The following SMAD1 variants were observed in gnomAD, a reference collection of about 807,000 sequenced individuals.
The protein encoded by SMAD1 is MAD, mothers against decapentaplegic homolog 1.
Under a neutral mutation model 41.6 loss-of-function variants are expected in SMAD1, and 6 were observed. The ratio of observed to expected loss-of-function variants is 0.14; its 90% confidence interval spans 0.08 to 0.28. SMAD1 has a LOEUF of 0.28. Ranked by LOEUF, SMAD1 falls within the 10% of genes least tolerant of loss-of-function variation. The pLI is 1.00. For missense variants in SMAD1, 379 were observed against 582.6 expected, an observed-to-expected ratio of 0.65 and a Z score of 3.60; for synonymous variants, 206 against 203.2, an observed-to-expected ratio of 1.01 and a Z score of -0.12.
intron 2 of SMAD1, chr4:145,516,915 A>G (rs1270550834): frequency 1.3e-5 from 2 of 152,222 alleles, no homozygotes; most frequent in African/African-American, 2.4e-5. Flanking sequence ...TGTTAGAACT[A>G]GAAAATAGAG....
chr4:145,484,155 G>C (rs1403992760), intron 1 of SMAD1, among the ~76,000 whole-genome samples: 1 of 152,080 alleles, frequency 6.6e-6, no homozygotes, highest in South Asian at 2.1e-4. Flanking sequence ...AAGTAGCTTG[G>C]GTATAGTAAT....
intron 2 of SMAD1, among the ~76,000 whole-genome samples, chr4:145,516,422 G>A (rs1204150178): frequency 1.3e-5 from 2 of 152,108 alleles, no homozygotes; most frequent in Non-Finnish European, 2.9e-5. Flanking sequence ...GGGAAGATTG[G>A]CCTACTGTGC....
chr4:145,493,465 A>G (rs1728888097), intron 1 of SMAD1, among the ~76,000 whole-genome samples: 1 of 152,130 alleles, frequency 6.6e-6, no homozygotes, highest in Non-Finnish European at 1.5e-5. Context: ...CAGGGCTTCT[A>G]TTTAGTTTAT....
chr4:145,499,119 A>G (rs1434994009), intron 1 of SMAD1, among the ~76,000 whole-genome samples: 1 of 152,152 alleles, frequency 6.6e-6, no homozygotes, highest in African/African-American at 2.4e-5. Flanking sequence ...CATTGCCCAT[A>G]TCGTTCACTC....
intron 1 of SMAD1, chr4:145,497,866 A>AAG (rs960873351): frequency 6.6e-6 from 1 of 152,104 alleles, no homozygotes; most frequent in African/African-American, 2.4e-5. Context: ...CACATTCTGG[A>AAG]AGAGGGGGTT....
chr4:145,509,211 A>C (rs1439588159), intron 1 of SMAD1, among the ~76,000 whole-genome samples: 2 of 152,200 alleles, frequency 1.3e-5, no homozygotes, highest in African/African-American at 4.8e-5. Flanking sequence ...TAGAATTAGC[A>C]TGCAGGTTAG....
intron 3 of SMAD1, among the ~76,000 whole-genome samples, chr4:145,540,705 TAAGTTACAGGTTAATGAGCAAGCATCTCC>T (rs1275328860): frequency 6.9e-6 from 1 of 145,752 alleles, no homozygotes; most frequent in Non-Finnish European, 1.5e-5. Flanking sequence ...TATATATTTT[TAAGTTACAGGTTAATGAGCAAGCATCTCC>T]AAAAAAAAAA....
chr4:145,511,218 T>G (rs1298747390), intron 1 of SMAD1, among the ~76,000 whole-genome samples: 1 of 152,220 alleles, frequency 6.6e-6, no homozygotes, highest in African/African-American at 2.4e-5. Context: ...TAAATCTTAC[T>G]ATTTTCTGTT....
chr4:145,548,740 T>A (rs993820316), intron 5 of SMAD1, among the ~76,000 whole-genome samples: 1 of 152,208 alleles, frequency 6.6e-6, no homozygotes, highest in Admixed American at 6.5e-5. Flanking sequence ...TTTATGAGAA[T>A]CAGTTTATTT....
chr4:145,485,162 A>G (rs1293729133), intron 1 of SMAD1, among the ~76,000 whole-genome samples: 1 of 152,066 alleles, frequency 6.6e-6, no homozygotes, highest in East Asian at 1.9e-4. Flanking sequence ...TCGACCTCCC[A>G]GGCCCAGGCA....
chr4:145,519,917 G>C (rs1170792408), intron 2 of SMAD1, among the ~76,000 whole-genome samples: 1 of 152,036 alleles, frequency 6.6e-6, no homozygotes, highest in Non-Finnish European at 1.5e-5. Flanking sequence ...TCTGTGCCTG[G>C]CTTATTTCAC....
chr4:145,489,951 G>T (rs1484674532), intron 1 of SMAD1, among the ~76,000 whole-genome samples: 1 of 152,180 alleles, frequency 6.6e-6, no homozygotes, highest in Non-Finnish European at 1.5e-5. Flanking sequence ...TGGGGTCAGA[G>T]GAGTGGGAAA....
intron 1 of SMAD1, among the ~76,000 whole-genome samples, chr4:145,488,476 T>TTTTG (rs1553941976): frequency 3.4e-5 from 5 of 148,620 alleles, no homozygotes; most frequent in Admixed American, 6.8e-5. Flanking sequence ...CCCTGTCTTT[T>TTTTG]TGTGTGTGTG....
chr4:145,539,412 G>A (rs562825322), intron 2 of SMAD1, among the ~76,000 whole-genome samples: 3 of 152,318 alleles, frequency 2.0e-5, no homozygotes, highest in Non-Finnish European at 4.4e-5. Context: ...ACTCTTAAAT[G>A]TGAAGTCTTA....
intron 2 of SMAD1, among the ~76,000 whole-genome samples, chr4:145,531,820 T>A (rs1439882330): frequency 1.3e-5 from 2 of 151,898 alleles, no homozygotes; most frequent in Admixed American, 6.6e-5. Context: ...TTGTGTCCGT[T>A]ACTTCTTTTT....
rs531142044 is a variant in SMAD1 at position 145,514,252 on chromosome 4, C to G, written c.-176-186C>G. Among the ~76,000 whole-genome samples, 5 of 152,218 alleles carry G rather than the reference C, an allele frequency of 3.3e-5. No homozygotes were observed. The highest frequency in any genetic ancestry group is 1.2e-4 in the African/African-American group (5 of 41,528). ...AACTTTAATTACTTTCTTAGAGGCTCCATCTCCAAATATAGTCATACTGAG... is the reference window on the plus strand; with the variant it reads ...AACTTTAATTACTTTCTTAGAGGCTGCATCTCCAAATATAGTCATACTGAG... On this transcript the variant is annotated intron_variant, in intron 1 of 6. Transcript: ENST00000302085. The surrounding 1 kb of genome is among the most constrained non-coding windows in gnomAD (Gnocchi z 4.7).
Position 145,553,851 on chromosome 4 carries a change from G to A in SMAD1, c.1065G>A (p.Val355=), listed in dbSNP as rs376671530. 6.2e-7 allele frequency: 1 copy of A among 1,613,994 alleles called. No individual in the cohort carries two copies. The highest frequency in any genetic ancestry group is 1.3e-5 in the African/African-American group (1 of 75,026). The change falls in exon 6 of 7, where the codon GTG becomes GTA. Residue 355 remains valine, a synonymous_variant. Coordinates refer to ENST00000302085, the MANE Select transcript of SMAD1 (RefSeq NM_005900.3). The stretch of plus-strand genomic sequence containing the variant: ...GCCTTAGTGACAGTAGCATCTTTGT[G>A]CAAAGTCGGAACTGCAACTACCATC... ...AECLSDSSIF[V]QSRNCNYHHG...
intron 2 of SMAD1, among the ~76,000 whole-genome samples, chr4:145,524,320 T>TAA (rs1482181693): frequency 6.6e-6 from 1 of 152,212 alleles, no homozygotes; most frequent in Non-Finnish European, 1.5e-5. Flanking sequence ...CTTGTTATTT[T>TAA]AATTTTTTTT....
chr4:145,532,738 A>G (rs1490154019), intron 2 of SMAD1, among the ~76,000 whole-genome samples: 3 of 152,312 alleles, frequency 2.0e-5, no homozygotes, highest in East Asian at 1.9e-4. Context: ...CTACGTTCCC[A>G]TATTTGTTTT....
Sources: gnomAD v4.1 joint callset for allele counts (sites outside exome capture counted in the v4.1 genomes callset) on GRCh38, gnomAD v4.1.1 for gene constraint, Gnocchi (gnomAD v3.1) non-coding constraint, MANE v1.5 for transcripts, NCBI Gene and HGNC (gene_info 2026-07-23, HGNC 2026-07-21) for gene names.